Variants in IMPA2 observed in about 807,000 individuals in gnomAD.
IMPA2 encodes IMP 2.
Under a neutral mutation model 35.1 loss-of-function variants are expected in IMPA2, and 32 were observed. The observed-to-expected ratio is 0.91, with a 90% CI of 0.69 to 1.23. The LOEUF is 1.23. Ranked by LOEUF, IMPA2 falls within the 50% of genes most tolerant of loss-of-function variation. IMPA2 has a pLI of 0.00. For missense variants in IMPA2, 334 were observed against 387.6 expected (o/e 0.86, Z 1.16); for synonymous variants, 135 against 160.6 (o/e 0.84, Z 1.20).
chr18:11,983,979 C>T (rs1568024554), intron 1 of IMPA2, among the ~76,000 whole-genome samples: 2 of 152,268 alleles, frequency 1.3e-5, no homozygotes, highest in East Asian at 3.9e-4. Context: ...GCAGGGCCCC[C>T]AGATGCTCAC....
chr18:12,024,525 G>A (rs947136158), intron 5 of IMPA2, among the ~76,000 whole-genome samples: 1 of 152,160 alleles, frequency 6.6e-6, no homozygotes, highest in Non-Finnish European at 1.5e-5. Flanking sequence ...ATGACTTGAA[G>A]TTGTTAGATG....
intron 5 of IMPA2, among the ~76,000 whole-genome samples, chr18:12,025,286 T>G (rs954036978): frequency 2.6e-5 from 4 of 152,236 alleles, no homozygotes; most frequent in Non-Finnish European, 4.4e-5. Context: ...AAAGGACATC[T>G]TGGTTGCTTC....
intron 2 of IMPA2, among the ~76,000 whole-genome samples, chr18:12,005,702 G>A (rs565122466): frequency 3.9e-5 from 6 of 152,262 alleles, no homozygotes; most frequent in East Asian, 1.9e-4. Context: ...TCCTGCTCCC[G>A]AGTGTCCTGG....
intron 5 of IMPA2, chr18:12,017,737 C>T (rs1001181578): frequency 4.2e-5 from 14 of 331,918 alleles, no homozygotes; most frequent in East Asian, 1.2e-4. Context: ...TACAGGCATG[C>T]GCCACCACAT....
chr18:12,008,216 G>A (rs1017443157), intron 2 of IMPA2: 11 of 446,340 alleles, frequency 2.5e-5, no homozygotes, highest in Admixed American at 7.3e-5. Context: ...GGCTGATCTC[G>A]AACTCCTGAC....
chr18:12,026,232 C>T (rs1010353061), intron 5 of IMPA2, among the ~76,000 whole-genome samples: 1 of 151,892 alleles, frequency 6.6e-6, no homozygotes, highest in Non-Finnish European at 1.5e-5. Context: ...GGGGTTTCTC[C>T]ATGTTGGTCA....
rs774215048 is a variant in IMPA2, at chr18:12,028,913, A to G, written c.671A>G (p.Gln224Arg). Residue 224 changes from glutamine to arginine, a missense_variant, in exon 7 of 8, where the codon CAG becomes CGG. Transcript: ENST00000269159. Reference protein sequence around the residue: ...LASGAADAYYQFGLHCWDLAA... With the variant: ...LASGAADAYYRFGLHCWDLAA... ...TCAGGGGCCGCGGATGCCTATTACC[A>G]GTTTGGCCTGCACTGCTGGGATCTG... 4.3e-6 allele frequency: 7 copies of G among 1,614,044 alleles called. No individual in the cohort carries two copies. Among genetic ancestry groups the G allele is most frequent in the Middle Eastern group, 1.6e-4 (1 of 6,062 alleles).
chr18:12,007,052 C>T (rs1213227204), intron 2 of IMPA2, among the ~76,000 whole-genome samples: 3 of 152,234 alleles, frequency 2.0e-5, no homozygotes, highest in East Asian at 1.9e-4. Context: ...ATTGCTTGAA[C>T]CCGGGAGGCA....
At chr18:12,012,314 C>A in intron 4 of IMPA2, 99 bp downstream of exon 4, 1 of 992,368 alleles carries the variant, frequency 1.0e-6, no homozygotes, top group Non-Finnish European at 1.6e-6. Flanking sequence ...TTGCTGTTTG[C>A]CCTGTGCCTT....
At chr18:11,999,721 C>T (rs986323977) in intron 2 of IMPA2, among the ~76,000 whole-genome samples, 13 of 152,252 alleles carry the variant, frequency 8.5e-5, no homozygotes, top group Non-Finnish European at 1.8e-4. Flanking sequence ...ACAGCCGGGC[C>T]CCAGAGCTGT....
At position 12,029,112 on chromosome 18, in the gene IMPA2, T is replaced by TG. The variant is rs1436885832; in HGVS notation, c.751+119_751+120insG. The TG allele has an allele frequency of 1.8e-5, 12 of 677,596 alleles. No individual in the cohort carries two copies. In the African/African-American group the frequency reaches 2.5e-4, roughly 14 times the overall value. 42.0% of individuals were successfully genotyped at this position (677,596 alleles called of 1,614,324 possible). A position where few individuals can be genotyped will look rare whatever the true frequency, so the allele number is the denominator to read the frequency against. ...CCCACCTTCCCCAGAGTTTCTGTTTTTTTTTTTTTTTTTTTTTTTTTGAGA... is the reference window on the plus strand; with the variant it reads ...CCCACCTTCCCCAGAGTTTCTGTTTTGTTTTTTTTTTTTTTTTTTTTTGAGA... On this transcript the variant is annotated intron_variant, in intron 7 of 7. Coordinates refer to ENST00000269159, the MANE Select transcript of IMPA2 (RefSeq NM_014214.3).
chr18:12,007,628 CTTCTTTCTTTCT>C (rs71172044), intron 2 of IMPA2, among the ~76,000 whole-genome samples: 13,809 of 116,586 alleles, frequency 0.12, 977 homozygotes, highest in Non-Finnish European at 0.16. Flanking sequence ...CTTTTTCTTT[CTTCTTTCTTTCT>C]TTCTTTCTTT....
At chr18:11,983,148 G>A (rs1230399734) in intron 1 of IMPA2, among the ~76,000 whole-genome samples, 2 of 152,138 alleles carry the variant, frequency 1.3e-5, no homozygotes, top group Admixed American at 1.3e-4. Context: ...AGAGTGTTGC[G>A]AAACTCCACC....
rs1297740392 is a variant in IMPA2 at position 11,991,532 on chromosome 18, T to G, written c.97-7522T>G. On this transcript the variant is annotated intron_variant, in intron 1 of 7. Transcript: ENST00000269159. The surrounding 1 kb of genome is among the most constrained non-coding windows in gnomAD (Gnocchi z 4.1). ...CCGATGAACTGTTAGGTTTTATTGATTGTCACACGTATCAGGTTCTTCAGA... is the reference window on the plus strand; with the variant it reads ...CCGATGAACTGTTAGGTTTTATTGAGTGTCACACGTATCAGGTTCTTCAGA... Among the ~76,000 whole-genome samples, 1 of 152,112 alleles carries G rather than the reference T, an allele frequency of 6.6e-6. No individual in the cohort carries two copies.
At chr18:11,999,332 G>A (rs1037677380) in intron 2 of IMPA2, 145 bp downstream of exon 2, 3 of 659,250 alleles carry the variant, frequency 4.6e-6, no homozygotes, top group Non-Finnish European at 7.5e-6. Flanking sequence ...CCTGCGATTT[G>A]TCAGTTACTT....
chr18:11,984,707 C>T (rs1018350619), intron 1 of IMPA2, among the ~76,000 whole-genome samples: 3 of 152,116 alleles, frequency 2.0e-5, no homozygotes, highest in African/African-American at 7.2e-5. Context: ...GTGGCTCACG[C>T]CTGTAATCCC....
chr18:11,989,321 G>C (rs1219423782), intron 1 of IMPA2, among the ~76,000 whole-genome samples: 1 of 152,222 alleles, frequency 6.6e-6, no homozygotes, highest in East Asian at 1.9e-4. Flanking sequence ...GGAGGCAGGA[G>C]GGGGAGAGGA....
intron 1 of IMPA2, among the ~76,000 whole-genome samples, chr18:11,988,171 A>G (rs1906720088): frequency 1.3e-5 from 2 of 151,706 alleles, no homozygotes; most frequent in South Asian, 2.1e-4. Flanking sequence ...ACGCCTGGCT[A>G]ATTTTTGTAT....
intron 4 of IMPA2, among the ~76,000 whole-genome samples, chr18:12,013,513 G>T (rs77237672): frequency 0.084 from 12,716 of 152,196 alleles, 697 homozygotes; most frequent in East Asian, 0.28. Flanking sequence ...TAAGGCATTT[G>T]GCCAGGGTGT....
Sources: allele counts gnomAD v4.1 joint callset (sites outside exome capture counted in the v4.1 genomes callset), GRCh38; gene constraint gnomAD v4.1.1; non-coding constraint Gnocchi (gnomAD v3.1); transcripts MANE v1.5; gene names NCBI Gene and HGNC (gene_info 2026-07-23, HGNC 2026-07-21).